TMEM164: variants seen among roughly 807,000 people sequenced by gnomAD.
The protein encoded by TMEM164 is transmembrane protein 164.
TMEM164 carries 4 observed loss-of-function variants against 18.8 expected under a neutral mutation model. The observed-to-expected ratio is 0.21, with a 90% CI of 0.10 to 0.49. The LOEUF (loss-of-function observed/expected upper bound fraction) is 0.49, where lower values mean the gene tolerates loss of function less well. Ranked by LOEUF, TMEM164 falls within the 20% of genes least tolerant of loss-of-function variation. The probability of loss-of-function intolerance (pLI) is 0.98; values close to 1 mark genes in which losing one functional copy is unlikely to be tolerated. For missense variants in TMEM164, 108 were observed against 239.9 expected, an observed-to-expected ratio of 0.45 and a Z score of 3.63; for synonymous variants, 86 against 101.7, an observed-to-expected ratio of 0.85 and a Z score of 0.93.
chrX:110,045,261 G>A (rs1048692477), intron 2 of TMEM164, among the ~76,000 whole-genome samples: 1 of 111,610 alleles, frequency 9.0e-6, no homozygotes, highest in Non-Finnish European at 1.9e-5. Context: ...CTGGCAGAAT[G>A]GTGTTTCCTC....
At chrX:110,079,030 T>C (rs955881460) in intron 3 of TMEM164, among the ~76,000 whole-genome samples, 1 of 111,736 alleles carries the variant, frequency 8.9e-6, no homozygotes, top group Non-Finnish European at 1.9e-5. Context: ...GGAATGTAAC[T>C]GTCAATGTAT....
At chrX:110,101,685 T>G (rs953368473) in intron 3 of TMEM164, among the ~76,000 whole-genome samples, 1 of 108,146 alleles carries the variant, frequency 9.2e-6, no homozygotes, top group South Asian at 4.1e-4. Flanking sequence ...GCTCAAGTGA[T>G]TCTCCCACCT....
At chrX:110,178,149 C>T (rs187333889), downstream of TMEM164, among the ~76,000 whole-genome samples, 6 of 112,548 alleles carry the variant, frequency 5.3e-5, no homozygotes, top group Admixed American at 3.7e-4. Flanking sequence ...AGCTCTGCAC[C>T]AGCACTTCTC....
chrX:110,029,362 CT>C (rs1934347816), intron 2 of TMEM164, among the ~76,000 whole-genome samples: 1 of 111,725 alleles, frequency 9.0e-6, no homozygotes, highest in African/African-American at 3.3e-5. Flanking sequence ...CTTGGACTTT[CT>C]TCTTCTTACT....
intron 5 of TMEM164, among the ~76,000 whole-genome samples, chrX:110,153,738 A>G (rs1201968798): frequency 8.9e-6 from 1 of 111,795 alleles, no homozygotes; most frequent in Non-Finnish European, 1.9e-5. Flanking sequence ...ATGTGGCCCA[A>G]CACAAATTTG....
chrX:110,075,264 G>A (rs1430909763), intron 3 of TMEM164, among the ~76,000 whole-genome samples: 1 of 111,519 alleles, frequency 9.0e-6, no homozygotes, highest in Non-Finnish European at 1.9e-5. Context: ...CAGCTTGAAT[G>A]TTATTGGTGT....
chrX:110,033,365 G>A (rs1934606023), intron 2 of TMEM164, among the ~76,000 whole-genome samples: 1 of 112,076 alleles, frequency 8.9e-6, no homozygotes, highest in African/African-American at 3.3e-5. Context: ...GTAGTTTGGA[G>A]TTTCTCATTC....
chrX:110,069,764 AT>A (rs1264808282), intron 3 of TMEM164, among the ~76,000 whole-genome samples: 1 of 110,183 alleles, frequency 9.1e-6, no homozygotes, highest in Non-Finnish European at 1.9e-5. Context: ...AATTGTTTGC[AT>A]TTTTATATCC....
chrX:110,044,026 A>T (rs1569305349), intron 2 of TMEM164, among the ~76,000 whole-genome samples: 3 of 112,429 alleles, frequency 2.7e-5, no homozygotes, highest in Non-Finnish European at 5.6e-5. Context: ...AAGTGATGAT[A>T]GGTGGCACAT....
intron 5 of TMEM164, among the ~76,000 whole-genome samples, chrX:110,161,795 A>G (rs1002499550): frequency 1.8e-5 from 2 of 112,052 alleles, no homozygotes; most frequent in Admixed American, 9.4e-5. Context: ...GCTTGTTACT[A>G]CAGTGGAGAT....
intron 2 of TMEM164, among the ~76,000 whole-genome samples, chrX:110,035,797 T>TAA (rs775872569): frequency 2.7e-5 from 3 of 110,841 alleles, no homozygotes; most frequent in Non-Finnish European, 5.7e-5. Flanking sequence ...TTTGCAGTTA[T>TAA]AAACTTTAAA....
intron 3 of TMEM164, among the ~76,000 whole-genome samples, chrX:110,086,198 T>C (rs2065848983): frequency 8.9e-6 from 1 of 112,190 alleles, no homozygotes; most frequent in Non-Finnish European, 1.9e-5. Context: ...TCTTGATAGG[T>C]ATTTGAGTGG....
intron 3 of TMEM164, among the ~76,000 whole-genome samples, chrX:110,071,716 C>CAAA (rs59182790): frequency 0.021 from 887 of 42,786 alleles, 3 homozygotes; most frequent in Non-Finnish European, 0.027. Flanking sequence ...TTTGTCTCTA[C>CAAA]AAAAAAAAAA....
At chrX:110,039,868 G>T (rs1026100899) in intron 2 of TMEM164, among the ~76,000 whole-genome samples, 3 of 111,608 alleles carry the variant, frequency 2.7e-5, no homozygotes, top group Non-Finnish European at 5.6e-5. Flanking sequence ...TACTGCCGGG[G>T]CAAGGTTTTC....
chrX:110,088,611 C>T (rs1476770857), intron 3 of TMEM164, among the ~76,000 whole-genome samples: 2 of 111,843 alleles, frequency 1.8e-5, no homozygotes, highest in Non-Finnish European at 3.8e-5. Flanking sequence ...TCCTAGGAGC[C>T]ACCTTATTGT....
At chrX:110,087,394 T>C (rs971673267) in intron 3 of TMEM164, among the ~76,000 whole-genome samples, 2 of 111,825 alleles carry the variant, frequency 1.8e-5, no homozygotes, top group East Asian at 5.6e-4. Flanking sequence ...ACTGTCTCAC[T>C]CTGTTGCCCA....
chrX:110,014,740 G>GTTTT (rs1933217889), intron 2 of TMEM164, among the ~76,000 whole-genome samples: 2 of 51,227 alleles, frequency 3.9e-5, no homozygotes, highest in African/African-American at 7.8e-5. Flanking sequence ...TTTTTTGGTT[G>GTTTT]TTTCTTTTTT....
intron 2 of TMEM164, among the ~76,000 whole-genome samples, chrX:110,065,929 G>A (rs1180634622): frequency 1.8e-5 from 2 of 112,248 alleles, no homozygotes; most frequent in Non-Finnish European, 1.9e-5. Context: ...AGTTTTTAGA[G>A]CTTTTTGGAT....
rs187336223 is a variant in TMEM164 at position 110,064,584 on chromosome X, A to G, written c.391-2763A>G. 1.8e-4 allele frequency among the ~76,000 whole-genome samples: 20 copies of G among 111,580 alleles called. No homozygotes were observed. In the East Asian group the frequency reaches 5.6e-3, roughly 31 times the overall value. ...GGAAATGCAATATGAATAATCAGGAATCCCCAGATAACTGTGTACCATCAT... is the reference window on the plus strand; with the variant it reads ...GGAAATGCAATATGAATAATCAGGAGTCCCCAGATAACTGTGTACCATCAT... On this transcript the variant is annotated intron_variant, in intron 2 of 6. Coordinates refer to ENST00000372068, the MANE Select transcript of TMEM164 (RefSeq NM_032227.4).
Sources: allele counts gnomAD v4.1 joint callset (sites outside exome capture counted in the v4.1 genomes callset), GRCh38; gene constraint gnomAD v4.1.1; transcripts MANE v1.5; gene names NCBI Gene and HGNC (gene_info 2026-07-23, HGNC 2026-07-21).